Variants in CCDC171 observed in about 807,000 individuals in gnomAD.
CCDC171 encodes coiled-coil domain-containing protein 171.
Under a neutral mutation model 168.2 loss-of-function variants are expected in CCDC171, and 177 were observed. The observed-to-expected ratio is 1.05, with a 90% CI of 0.93 to 1.19. The LOEUF (loss-of-function observed/expected upper bound fraction) is 1.19. Among genes scored for constraint, CCDC171 ranks in the 50% most tolerant of loss-of-function variants. The pLI, the probability that CCDC171 is intolerant of heterozygous loss-of-function variation, is 0.00. For synonymous variants in CCDC171, 687 were observed against 540.8 expected (o/e 1.27, Z -3.75); for missense variants, 1,991 against 1,539.0 (o/e 1.29, Z -4.91).
At chr9:16,052,991 C>T (rs1014936907) in intron 1 of CCDC171, among the ~76,000 whole-genome samples, 3 of 152,200 alleles carry the variant, frequency 2.0e-5, no homozygotes, top group East Asian at 1.9e-4. Context: ...CCCTCTCCCT[C>T]GCCAGGAATA....
intron 4 of CCDC171, chr9:15,588,222 G>A (rs151154336): frequency 0.012 from 1,853 of 159,934 alleles, 141 homozygotes; most frequent in Admixed American, 0.11. Context: ...GTGAGAGAGT[G>A]AGACTCTGTC....
chr9:15,648,241 C>T (rs1386844208), intron 7 of CCDC171, among the ~76,000 whole-genome samples: 5 of 152,120 alleles, frequency 3.3e-5, no homozygotes, highest in African/African-American at 7.2e-5. Flanking sequence ...ATTGATGGGA[C>T]GTATCTCAAA....
intron 6 of CCDC171, among the ~76,000 whole-genome samples, chr9:16,032,647 T>C (rs1833383775): frequency 6.6e-6 from 1 of 152,174 alleles, no homozygotes; most frequent in South Asian, 2.1e-4. Flanking sequence ...AGACAGGGTC[T>C]TGCTCTATTG....
intron 3 of CCDC171, among the ~76,000 whole-genome samples, chr9:15,993,629 A>G (rs1223561764): frequency 6.6e-6 from 1 of 152,248 alleles, no homozygotes; most frequent in African/African-American, 2.4e-5. Context: ...CTGCACAGCA[A>G]AAGAAACTAC....
At chr9:15,851,274 AACT>A (rs1232743590) in intron 23 of CCDC171, among the ~76,000 whole-genome samples, 1 of 151,962 alleles carries the variant, frequency 6.6e-6, no homozygotes, top group Non-Finnish European at 1.5e-5. Flanking sequence ...GGGGACTGAT[AACT>A]ACTATTTAAT....
In CCDC171 at chr9:15,581,561, T is replaced by C. The variant is rs553934753; in HGVS notation, c.352+2538T>C. ...CAAGAATACAGTAACCAAAACAACATGGTACTGATACCAAAACAGATATAT... is the reference window on the plus strand; with the variant it reads ...CAAGAATACAGTAACCAAAACAACACGGTACTGATACCAAAACAGATATAT... On this transcript the variant is annotated intron_variant, in intron 4 of 25. Transcript: ENST00000380701. Among the ~76,000 whole-genome samples the C allele has an allele frequency of 1.3e-4, 20 of 152,280 alleles. No individual in the cohort carries two copies. The South Asian group carries it at 3.9e-3, about 30-fold the overall frequency.
In CCDC171 at chr9:15,663,544, T is replaced by C. The variant is rs370259601; in HGVS notation, c.916-2619T>C. ...TGTGGAACCTGCTATTTTCAACATATGTTAGCAATACATTGTTCTTGAACA... is the reference window on the plus strand; with the variant it reads ...TGTGGAACCTGCTATTTTCAACATACGTTAGCAATACATTGTTCTTGAACA... On this transcript the variant is annotated intron_variant, in intron 8 of 25. Transcript: ENST00000380701. Among the ~76,000 whole-genome samples, 204 of 152,202 alleles carry C rather than the reference T, an allele frequency of 1.3e-3. 1 individual carries two copies. In the South Asian group the frequency reaches 0.016, roughly 12 times the overall value.
intron 10 of CCDC171, among the ~76,000 whole-genome samples, chr9:15,689,198 G>T (rs2050617166): frequency 6.6e-6 from 1 of 152,074 alleles, no homozygotes; most frequent in South Asian, 2.1e-4. Flanking sequence ...AATTTATCAT[G>T]GAAAGAAATT....
intron 3 of CCDC171, among the ~76,000 whole-genome samples, chr9:16,015,849 A>G (rs1383303002): frequency 1.3e-5 from 2 of 152,178 alleles, no homozygotes; most frequent in Non-Finnish European, 2.9e-5. Flanking sequence ...AGTATTCCAA[A>G]TAAGTTGACT....
intron 6 of CCDC171, among the ~76,000 whole-genome samples, chr9:15,605,684 CAAA>C (rs71325924): frequency 5.8e-5 from 7 of 121,494 alleles, no homozygotes; most frequent in Non-Finnish European, 6.8e-5. Context: ...GAGACTCTGT[CAAA>C]AAAAAAAAAA....
intron 21 of CCDC171, among the ~76,000 whole-genome samples, chr9:15,826,427 T>C (rs1481156043): frequency 1.3e-5 from 2 of 152,138 alleles, no homozygotes; most frequent in Non-Finnish European, 2.9e-5. Context: ...GCTACTCCCA[T>C]ATCAAGATGT....
At chr9:15,583,159 G>T (rs905232865) in intron 4 of CCDC171, among the ~76,000 whole-genome samples, 1 of 152,156 alleles carries the variant, frequency 6.6e-6, no homozygotes, top group African/African-American at 2.4e-5. Flanking sequence ...GCTCACGCCT[G>T]TAATCCCAGC....
intron 18 of CCDC171, among the ~76,000 whole-genome samples, chr9:15,748,583 G>C (rs2055471250): frequency 6.6e-6 from 1 of 152,242 alleles, no homozygotes; most frequent in South Asian, 2.1e-4. Context: ...GAAAGGTCGG[G>C]TTACCCACAA....
chr9:16,008,180 G>T (rs562091256), intron 3 of CCDC171, among the ~76,000 whole-genome samples: 1 of 152,216 alleles, frequency 6.6e-6, no homozygotes, highest in East Asian at 1.9e-4. Context: ...ATTTATCCCT[G>T]TTTTCTTCCA....
At chr9:15,950,471 A>G (rs746815168) in intron 25 of CCDC171, among the ~76,000 whole-genome samples, 5 of 152,148 alleles carry the variant, frequency 3.3e-5, no homozygotes, top group Non-Finnish European at 7.3e-5. Context: ...CCAATATTCA[A>G]CATTCTGAAA....
Position 15,984,019 on chromosome 9 carries a change from G to A in CCDC171, n.369-36570G>A, listed in dbSNP as rs1400892608. 4.5e-5 allele frequency among the ~76,000 whole-genome samples: 4 copies of A among 87,916 alleles called. No homozygotes were observed. In the South Asian group the frequency reaches 1.7e-3, roughly 36 times the overall value. The allele number at this position is 87,916 out of a possible 152,430, so 57.7% of individuals were successfully genotyped here. On this transcript the variant is annotated intron_variant and non_coding_transcript_variant, in intron 3 of 9. Coordinates refer to the CCDC171 transcript ENST00000486641. The stretch of plus-strand genomic sequence containing the variant: ...CACTCCTCTGCAGAGTAGAGACCAG[G>A]AGCATCTGTAGTCCTCTGTATCAGA...
the CCDC171 span, among the ~76,000 whole-genome samples, chr9:16,098,670 C>T: frequency 1.3e-5 from 2 of 152,226 alleles, no homozygotes; most frequent in Non-Finnish European, 2.9e-5. Flanking sequence ...ACTTAAAACA[C>T]TACTAGTTGG....
At chr9:15,853,575 A>G (rs1055632552) in intron 23 of CCDC171, among the ~76,000 whole-genome samples, 38 of 151,412 alleles carry the variant, frequency 2.5e-4, no homozygotes, top group Non-Finnish European at 1.2e-4. Context: ...TCTAATTTGG[A>G]TGCCTTTAGT....
At chr9:15,796,567 A>G (rs577166868) in intron 21 of CCDC171, among the ~76,000 whole-genome samples, 3 of 152,346 alleles carry the variant, frequency 2.0e-5, no homozygotes, top group South Asian at 4.1e-4. Context: ...TAAAATATAT[A>G]TAGCTCAGTG....
Sources: gnomAD v4.1 joint callset for allele counts (sites outside exome capture counted in the v4.1 genomes callset) on GRCh38, gnomAD v4.1.1 for gene constraint, MANE v1.5 for transcripts, NCBI Gene and HGNC (gene_info 2026-07-23, HGNC 2026-07-21) for gene names.